ANK2: variants seen among roughly 807,000 people sequenced by gnomAD.
ANK2 encodes ankyrin-2.
A neutral mutation model predicts 360.5 loss-of-function variants in ANK2; 83 were observed. That is an observed-to-expected ratio of 0.23 (90% CI 0.19 to 0.28). The LOEUF is 0.28. Among genes scored for constraint, ANK2 ranks in the 10% least tolerant of loss-of-function variants. ANK2 has a pLI of 1.00. For synonymous variants in ANK2, 1,740 were observed against 1,759.5 expected, an observed-to-expected ratio of 0.99 and a Z score of 0.28; for missense variants, 4,201 against 4,795.7, an observed-to-expected ratio of 0.88 and a Z score of 3.66.
chr4:112,855,487 A>G (rs1443993353), intron 1 of ANK2, among the ~76,000 whole-genome samples: 1 of 152,122 alleles, frequency 6.6e-6, no homozygotes, highest in East Asian at 1.9e-4. Flanking sequence ...CACCTCCTCA[A>G]TTGGCCCTAT....
the ANK2 span, among the ~76,000 whole-genome samples, chr4:112,715,411 A>G: frequency 1.3e-5 from 2 of 152,146 alleles, no homozygotes; most frequent in African/African-American, 2.4e-5. Context: ...TAAAAATAGC[A>G]TGTGGGAGGG....
Position 113,354,341 on chromosome 4 carries a change from G to A in ANK2, c.5723G>A (p.Gly1908Asp), listed in dbSNP as rs2095606484. 1.2e-6 allele frequency: 2 copies of A among 1,613,998 alleles called. No individual in the cohort carries two copies. The highest frequency in any genetic ancestry group is 1.7e-6 in the Non-Finnish European group (2 of 1,179,972). Residue 1908 changes from glycine (G) to aspartate (D), a missense_variant, in exon 38 of 46, where the codon GGC becomes GAC. This residue lies in a region of ANK2 where 2,642 missense variants were observed against 2,714.5 expected (regional missense o/e 0.97). Coordinates refer to ENST00000357077, the MANE Select transcript of ANK2 (RefSeq NM_001148.6). ...AGACACCCACCTGTTTCGCCTTCAG[G>A]CAAAACAGACAAACGTCCACCTGTA... The part of the protein sequence containing the change: ...TERHPPVSPS[G>D]KTDKRPPVSP...
At chr4:112,810,305 T>G in the ANK2 span, among the ~76,000 whole-genome samples, 1 of 151,262 alleles carries the variant, frequency 6.6e-6, no homozygotes, top group Admixed American at 6.6e-5. Flanking sequence ...CCTGGCCAAA[T>G]AAAGATTTTT....
At chr4:113,246,867 A>C (rs1427887889) in intron 9 of ANK2, among the ~76,000 whole-genome samples, 5 of 152,226 alleles carry the variant, frequency 3.3e-5, no homozygotes, top group African/African-American at 4.8e-5. Flanking sequence ...CTTGTTGAGA[A>C]TATATGGAGG....
At chr4:112,931,396 A>G (rs1322562956) in intron 2 of ANK2, among the ~76,000 whole-genome samples, 2 of 129,160 alleles carry the variant, frequency 1.5e-5, no homozygotes, top group African/African-American at 2.8e-5. Context: ...ATTGAATACT[A>G]TTTATTTTAC....
chr4:113,050,216 T>C (rs1383953161), intron 1 of ANK2, among the ~76,000 whole-genome samples: 2 of 152,162 alleles, frequency 1.3e-5, no homozygotes, highest in Non-Finnish European at 2.9e-5. Context: ...GCGTTTGCTC[T>C]ATGATGATCC....
intron 2 of ANK2, among the ~76,000 whole-genome samples, chr4:112,958,798 T>A (rs891680094): frequency 5.9e-5 from 9 of 152,212 alleles, no homozygotes; most frequent in African/African-American, 2.2e-4. Flanking sequence ...GATTGTCTTT[T>A]GAAATTTGAA....
the ANK2 span, among the ~76,000 whole-genome samples, chr4:112,784,487 G>A: frequency 2.0e-5 from 3 of 151,166 alleles, no homozygotes; most frequent in East Asian, 5.9e-4. Flanking sequence ...CCTCCTACCG[G>A]CGCCTGCCAC....
In ANK2 at chr4:113,195,631, C is replaced by T. The variant is rs192935571; in HGVS notation, c.187-737C>T. On this transcript the variant is annotated intron_variant, in intron 2 of 45. Transcript: ENST00000357077. ...GGCTATGGAAGCTAATAATTGGCAC[C>T]ATGTACCAGCTGCTAAACTGTCACT... Among the ~76,000 whole-genome samples, 348 of 152,268 alleles carry T rather than the reference C, an allele frequency of 2.3e-3. 2 individuals are homozygous for T. Among genetic ancestry groups the T allele is most frequent in the African/African-American group, 8.1e-3 (335 of 41,558 alleles).
chr4:112,734,311 A>G, the ANK2 span, among the ~76,000 whole-genome samples: 1 of 152,214 alleles, frequency 6.6e-6, no homozygotes, highest in Non-Finnish European at 1.5e-5. Context: ...TAGCTGGCTC[A>G]CTGATGGGAC....
intron 1 of ANK2, among the ~76,000 whole-genome samples, chr4:113,090,601 C>T (rs1581259262): frequency 6.6e-6 from 1 of 151,934 alleles, no homozygotes; most frequent in African/African-American, 2.4e-5. Flanking sequence ...ACCATGAAAT[C>T]TGGGGATTAG....
At chr4:113,142,740 G>A (rs371539063) in intron 1 of ANK2, among the ~76,000 whole-genome samples, 2 of 152,134 alleles carry the variant, frequency 1.3e-5, no homozygotes, top group South Asian at 2.1e-4. Context: ...AAAGAAAGAG[G>A]GGGGTAGAAG....
chr4:113,323,932 C>A, intron 26 of ANK2: 1 of 692,070 alleles, frequency 1.4e-6, no homozygotes, highest in Non-Finnish European at 2.2e-6. Flanking sequence ...GATTGATGTT[C>A]TCCAAATTGT....
chr4:113,248,392 T>C (rs1189473226), intron 9 of ANK2, among the ~76,000 whole-genome samples: 2 of 152,022 alleles, frequency 1.3e-5, no homozygotes, highest in African/African-American at 4.8e-5. Context: ...GAGAATTGTG[T>C]GGAAAGGCTG....
chr4:112,770,960 G>A, the ANK2 span, among the ~76,000 whole-genome samples: 1 of 152,200 alleles, frequency 6.6e-6, no homozygotes, highest in South Asian at 2.1e-4. Context: ...GACCTTGGGT[G>A]TGAAGAACAG....
chr4:113,379,960 G>A (rs575860959), intron 45 of ANK2, among the ~76,000 whole-genome samples: 17 of 152,312 alleles, frequency 1.1e-4, no homozygotes, highest in Admixed American at 9.8e-4. Context: ...TTCCTATGGC[G>A]GTTTTAAGTG....
chr4:113,001,059 G>A (rs2050453085), intron 2 of ANK2, among the ~76,000 whole-genome samples: 1 of 152,082 alleles, frequency 6.6e-6, no homozygotes, highest in Non-Finnish European at 1.5e-5. Flanking sequence ...GTGAGGTCGG[G>A]CACGGTGGTT....
At chr4:112,914,516 G>T (rs553161326) in intron 2 of ANK2, among the ~76,000 whole-genome samples, 1 of 152,104 alleles carries the variant, frequency 6.6e-6, no homozygotes, top group African/African-American at 2.4e-5. Context: ...CCAGCTACCC[G>T]GGAGGCTGAG....
Position 113,331,049 on chromosome 4 carries a change from A to G in ANK2, c.3125+579A>G, listed in dbSNP as rs184503819. 5.0e-4 allele frequency among the ~76,000 whole-genome samples: 76 copies of G among 152,284 alleles called. 1 individual carries two copies. Among genetic ancestry groups the G allele is most frequent in the Non-Finnish European group, 7.5e-4 (51 of 68,020 alleles). On this transcript the variant is annotated intron_variant, in intron 27 of 45. Coordinates refer to ENST00000357077, the MANE Select transcript of ANK2 (RefSeq NM_001148.6). ...AGCTTCCACCGTGCTCGTTTTGGCAATTTTGAGCAGAATTTAGCATTTCTT... is the reference window on the plus strand; with the variant it reads ...AGCTTCCACCGTGCTCGTTTTGGCAGTTTTGAGCAGAATTTAGCATTTCTT...
Sources: gnomAD v4.1 joint callset for allele counts (sites outside exome capture counted in the v4.1 genomes callset) on GRCh38, gnomAD v4.1.1 for gene constraint, gnomAD v4.1.1 regional missense constraint, MANE v1.5 for transcripts, NCBI Gene and HGNC (gene_info 2026-07-23, HGNC 2026-07-21) for gene names.